The following REEP3 variants were observed in gnomAD, a reference collection of about 807,000 sequenced individuals.
The protein encoded by REEP3 is receptor expression-enhancing protein 3.
Under a neutral mutation model 41.3 loss-of-function variants are expected in REEP3, and 20 were observed. That is an observed-to-expected ratio of 0.48 (90% CI 0.34 to 0.70). The LOEUF (loss-of-function observed/expected upper bound fraction) is 0.70, where lower values mean the gene tolerates loss of function less well. REEP3 is among the 30% of genes least tolerant of loss of function. The probability of loss-of-function intolerance (pLI) is 0.01; values close to 1 mark genes in which losing one functional copy is unlikely to be tolerated. For synonymous variants in REEP3, 104 were observed against 101.8 expected, an observed-to-expected ratio of 1.02 and a Z score of -0.13; for missense variants, 271 against 308.8, an observed-to-expected ratio of 0.88 and a Z score of 0.92.
intron 2 of REEP3, among the ~76,000 whole-genome samples, chr10:63,570,558 G>A (rs1955843280): frequency 6.6e-6 from 1 of 152,084 alleles, no homozygotes; most frequent in South Asian, 2.1e-4. Context: ...ATTAAGCCTA[G>A]TACCCGGAAA....
chr10:63,567,022 T>C (rs904209914), intron 2 of REEP3, among the ~76,000 whole-genome samples: 2 of 152,222 alleles, frequency 1.3e-5, no homozygotes, highest in African/African-American at 4.8e-5. Flanking sequence ...TTTCTCATTT[T>C]ATTCATACTG....
At chr10:63,615,754 C>T (rs1276641132) in intron 6 of REEP3, among the ~76,000 whole-genome samples, 5 of 151,944 alleles carry the variant, frequency 3.3e-5, no homozygotes, top group Admixed American at 1.3e-4. Context: ...CCATATTGGC[C>T]AGGCTGGTCT....
intron 1 of REEP3, among the ~76,000 whole-genome samples, chr10:63,531,067 G>A (rs958282432): frequency 3.9e-5 from 6 of 152,106 alleles, no homozygotes; most frequent in African/African-American, 1.2e-4. Flanking sequence ...CGTTCATGTT[G>A]TTATATTTAC....
chr10:63,611,392 T>C (rs947516511), intron 6 of REEP3, among the ~76,000 whole-genome samples: 2 of 152,208 alleles, frequency 1.3e-5, no homozygotes, highest in African/African-American at 2.4e-5. Flanking sequence ...ATGGAAAATG[T>C]GTTAAAATTA....
rs548318028 is a variant in REEP3, at chr10:63,621,201, G to A, written c.*332G>A. 2.5e-4 allele frequency: 47 copies of A among 185,582 alleles called. No individual in the cohort carries two copies. In the South Asian group the frequency reaches 5.7e-3, roughly 23 times the overall value. The allele number at this position is 185,582 out of a possible 1,614,324, so 11.5% of individuals were successfully genotyped here. A position where few individuals can be genotyped will look rare whatever the true frequency, so the allele number is the denominator to read the frequency against. ...GTATACTTGAAAGGAGCCTTTTTACGGTTCAGGATAAATCAGCCTTTGTGA... is the reference window on the plus strand; with the variant it reads ...GTATACTTGAAAGGAGCCTTTTTACAGTTCAGGATAAATCAGCCTTTGTGA... On this transcript the variant is annotated 3_prime_UTR_variant, in exon 8 of 8. Transcript: ENST00000373758.
At chr10:63,593,911 A>T (rs1349939290) in intron 2 of REEP3, among the ~76,000 whole-genome samples, 3 of 152,192 alleles carry the variant, frequency 2.0e-5, no homozygotes, top group African/African-American at 7.2e-5. Flanking sequence ...GATTAACCTT[A>T]TGCTGTCCAC....
intron 1 of REEP3, among the ~76,000 whole-genome samples, chr10:63,531,390 G>A (rs192040587): frequency 6.6e-6 from 1 of 152,270 alleles, no homozygotes; most frequent in Admixed American, 6.5e-5. Flanking sequence ...GCATCCACCA[G>A]TTGTGACAGC....
chr10:63,533,552 A>G (rs768654674), intron 1 of REEP3, among the ~76,000 whole-genome samples: 18 of 152,054 alleles, frequency 1.2e-4, no homozygotes, highest in Non-Finnish European at 2.2e-4. Context: ...TTTCTGAAAT[A>G]TAGGGACTTT....
At chr10:63,581,781 T>C (rs1194026848) in intron 2 of REEP3, among the ~76,000 whole-genome samples, 2 of 151,830 alleles carry the variant, frequency 1.3e-5, no homozygotes, top group African/African-American at 4.8e-5. Context: ...AAGAGAGTTT[T>C]TAAATTGTAT....
chr10:63,542,993 C>T (rs1011892405), intron 1 of REEP3, among the ~76,000 whole-genome samples: 3 of 152,070 alleles, frequency 2.0e-5, no homozygotes, highest in African/African-American at 4.8e-5. Flanking sequence ...ATTGCTGCCA[C>T]GTTTCTCTAT....
intron 2 of REEP3, among the ~76,000 whole-genome samples, chr10:63,590,847 TA>T (rs1956055361): frequency 6.6e-6 from 1 of 152,254 alleles, no homozygotes; most frequent in Non-Finnish European, 1.5e-5. Context: ...ACTTCCCCGA[TA>T]ATATATTTCT....
At chr10:63,545,751 G>A (rs557877364) in intron 1 of REEP3, among the ~76,000 whole-genome samples, 15 of 136,530 alleles carry the variant, frequency 1.1e-4, no homozygotes, top group African/African-American at 3.3e-4. Context: ...GCAGTGGCAC[G>A]ATCTCAGCTC....
chr10:63,557,539 G>A (rs571028301), intron 1 of REEP3, among the ~76,000 whole-genome samples: 2 of 152,098 alleles, frequency 1.3e-5, no homozygotes, highest in South Asian at 2.1e-4. Flanking sequence ...AATTACCTAC[G>A]TTAAATTTAT....
intron 2 of REEP3, among the ~76,000 whole-genome samples, chr10:63,568,650 A>ATTTTTTTT (rs10622553): frequency 9.2e-6 from 1 of 109,168 alleles, no homozygotes; most frequent in African/African-American, 3.7e-5. Context: ...ACAACCCAGA[A>ATTTTTTTT]TTTTTTTTTT....
rs532297305 is a variant in REEP3, at chr10:63,548,968, G to A, written c.33-17370G>A. 1.3e-4 allele frequency among the ~76,000 whole-genome samples: 19 copies of A among 151,398 alleles called. No homozygotes were observed. In the South Asian group the frequency reaches 4.0e-3, roughly 32 times the overall value. The stretch of plus-strand genomic sequence containing the variant: ...ATCTCTTGTAAGAGTCAAAATAAGT[G>A]CCCTTTGAGTTTTTTTTTTTTAAAT... On this transcript the variant is annotated intron_variant, in intron 1 of 7. Coordinates refer to ENST00000373758, the MANE Select transcript of REEP3 (RefSeq NM_001001330.3).
chr10:63,620,113 T>C (rs1288599851), intron 7 of REEP3, among the ~76,000 whole-genome samples: 1 of 151,692 alleles, frequency 6.6e-6, no homozygotes, highest in East Asian at 1.9e-4. Context: ...TTTCATTTTT[T>C]GTAGAGACAG....
Position 63,521,518 on chromosome 10 carries a change from C to G in REEP3, c.-28C>G. On this transcript the variant is annotated 5_prime_UTR_variant, in exon 1 of 8. Transcript: ENST00000373758. ...CGCAGCGCCCTGCGCCCACCCGCCC[C>G]GGACGTGGGGCCCAAGCCCCCGTGA... is the stretch of plus-strand genomic sequence containing the variant. The G allele has an allele frequency of 1.4e-6, 2 of 1,408,188 alleles. No individual in the cohort carries two copies. The highest frequency in any genetic ancestry group is 1.9e-6 in the Non-Finnish European group (2 of 1,068,810). The allele number at this position is 1,408,188 out of a possible 1,614,324, so 87.2% of individuals were successfully genotyped here. A position where few individuals can be genotyped will look rare whatever the true frequency, so the allele number is the denominator to read the frequency against.
intron 5 of REEP3, among the ~76,000 whole-genome samples, chr10:63,605,289 A>C (rs1222816030): frequency 6.6e-6 from 1 of 152,212 alleles, no homozygotes; most frequent in African/African-American, 2.4e-5. Context: ...AAAATATTTT[A>C]TTCACCTAAT....
rs566246925 is a variant in REEP3, at chr10:63,521,526, G to A, written c.-20G>A. 2.3e-4 allele frequency: 333 copies of A among 1,419,574 alleles called. 1 individual carries two copies. In the South Asian group the frequency reaches 4.7e-3, roughly 20 times the overall value. The allele number at this position is 1,419,574 out of a possible 1,614,324, so 87.9% of individuals were successfully genotyped here. ...CCTGCGCCCACCCGCCCCGGACGTG[G>A]GGCCCAAGCCCCCGTGAAGATGGTG... On this transcript the variant is annotated 5_prime_UTR_variant, in exon 1 of 8. Transcript: ENST00000373758.
Sources: allele counts gnomAD v4.1 joint callset (sites outside exome capture counted in the v4.1 genomes callset), GRCh38; gene constraint gnomAD v4.1.1; transcripts MANE v1.5; gene names NCBI Gene and HGNC (gene_info 2026-07-23, HGNC 2026-07-21).